Variants in LRRTM4 observed in about 807,000 individuals in gnomAD.
LRRTM4 encodes the protein leucine rich repeat transmembrane neuronal 4.
LRRTM4 carries 25 observed loss-of-function variants against 47.6 expected under a neutral mutation model. That is an observed-to-expected ratio of 0.53 (90% CI 0.38 to 0.73). The LOEUF is 0.73. Among genes scored for constraint, LRRTM4 ranks in the 30% least tolerant of loss-of-function variants. LRRTM4 has a pLI of 0.00. For synonymous variants in LRRTM4, 311 were observed against 269.5 expected (o/e 1.15, Z -1.51); for missense variants, 638 against 713.4 (o/e 0.89, Z 1.20).
At chr2:76,960,042 C>T (rs61391187) in intron 3 of LRRTM4, among the ~76,000 whole-genome samples, 2,099 of 151,340 alleles carry the variant, frequency 0.014, 54 homozygotes, top group East Asian at 0.081. Flanking sequence ...AAGGGCAAAA[C>T]GACTTTACCA....
intron 3 of LRRTM4, among the ~76,000 whole-genome samples, chr2:77,046,353 T>G (rs1425657510): frequency 6.6e-6 from 1 of 152,102 alleles, no homozygotes; most frequent in South Asian, 2.1e-4. Context: ...CCAACCAAAG[T>G]GCAAAATGTG....
intron 3 of LRRTM4, among the ~76,000 whole-genome samples, chr2:76,942,205 T>G (rs2103863988): frequency 6.6e-6 from 1 of 152,290 alleles, no homozygotes; most frequent in South Asian, 2.1e-4. Flanking sequence ...ATTCTGGATA[T>G]TAGCCCCTTG....
chr2:77,017,394 T>C (rs1194342171), intron 3 of LRRTM4, among the ~76,000 whole-genome samples: 2 of 152,210 alleles, frequency 1.3e-5, no homozygotes, highest in African/African-American at 4.8e-5. Context: ...ATTGGCCTCA[T>C]ACATCTCCTT....
intron 3 of LRRTM4, among the ~76,000 whole-genome samples, chr2:77,137,667 G>C (rs1218630703): frequency 1.3e-5 from 2 of 152,054 alleles, no homozygotes; most frequent in Non-Finnish European, 2.9e-5. Context: ...CCAATCAAAA[G>C]ACACAGACTG....
At chr2:76,975,986 C>T (rs1676406051) in intron 3 of LRRTM4, among the ~76,000 whole-genome samples, 1 of 151,750 alleles carries the variant, frequency 6.6e-6, no homozygotes. Context: ...AGGTTTTCTT[C>T]ATTTCTTGCT....
chr2:77,036,127 A>G (rs1189780459), intron 3 of LRRTM4, among the ~76,000 whole-genome samples: 1 of 151,876 alleles, frequency 6.6e-6, no homozygotes, highest in Non-Finnish European at 1.5e-5. Context: ...GCTTGCAGAC[A>G]TAATGTAGAC....
chr2:77,072,422 A>AT (rs918796542), intron 3 of LRRTM4, among the ~76,000 whole-genome samples: 2 of 152,144 alleles, frequency 1.3e-5, no homozygotes, highest in Non-Finnish European at 2.9e-5. Flanking sequence ...ACATAAATAT[A>AT]TTTTCTCTCA....
intron 3 of LRRTM4, among the ~76,000 whole-genome samples, chr2:76,825,509 G>T (rs1190953505): frequency 6.6e-6 from 1 of 151,660 alleles, no homozygotes; most frequent in Non-Finnish European, 1.5e-5. Context: ...TTACTGAAAT[G>T]GAAATGATTA....
At chr2:77,239,588 A>C (rs560602836) in intron 3 of LRRTM4, among the ~76,000 whole-genome samples, 1 of 152,092 alleles carries the variant, frequency 6.6e-6, no homozygotes, top group South Asian at 2.1e-4. Context: ...GCAAAAAATA[A>C]GAAAAGTATA....
intron 3 of LRRTM4, among the ~76,000 whole-genome samples, chr2:77,327,628 G>T (rs907206149): frequency 1.3e-5 from 2 of 152,108 alleles, no homozygotes; most frequent in Admixed American, 1.3e-4. Flanking sequence ...GTAATTACAG[G>T]ATTTGAGACT....
chr2:77,048,994 C>G (rs1679325433), intron 3 of LRRTM4, among the ~76,000 whole-genome samples: 1 of 151,134 alleles, frequency 6.6e-6, no homozygotes, highest in South Asian at 2.1e-4. Context: ...TTTTAGTTTC[C>G]ACATACTAGT....
intron 3 of LRRTM4, among the ~76,000 whole-genome samples, chr2:76,946,944 G>A (rs1026535863): frequency 2.0e-5 from 3 of 151,878 alleles, no homozygotes; most frequent in East Asian, 1.9e-4. Context: ...AAGGAAGAAA[G>A]GCCAAGTTCC....
chr2:77,166,687 C>G (rs900426536), intron 3 of LRRTM4, among the ~76,000 whole-genome samples: 5 of 152,034 alleles, frequency 3.3e-5, no homozygotes, highest in Admixed American at 6.6e-5. Flanking sequence ...ACAAACCTGA[C>G]AAAAACAAGC....
At chr2:77,255,272 G>C (rs1675733098) in intron 3 of LRRTM4, among the ~76,000 whole-genome samples, 1 of 151,892 alleles carries the variant, frequency 6.6e-6, no homozygotes, top group Non-Finnish European at 1.5e-5. Flanking sequence ...AATATGTGAA[G>C]CAAAAACTGA....
intron 3 of LRRTM4, among the ~76,000 whole-genome samples, chr2:77,019,958 A>G (rs1466853618): frequency 2.0e-5 from 3 of 152,030 alleles, no homozygotes; most frequent in Non-Finnish European, 2.9e-5. Context: ...TTATTATTGG[A>G]GGCTGAAAAA....
intron 3 of LRRTM4, 24 bp from the exon 4 acceptor site, chr2:76,748,940 G>T (rs201118186): frequency 6.3e-7 from 1 of 1,592,820 alleles, no homozygotes; most frequent in South Asian, 1.1e-5. Flanking sequence ...ATAGAAAGAT[G>T]GGTGGATTAT....
chr2:76,821,378 C>T (rs1039357518), intron 3 of LRRTM4, among the ~76,000 whole-genome samples: 4 of 151,700 alleles, frequency 2.6e-5, no homozygotes, highest in Admixed American at 6.6e-5. Context: ...AGATTGAGTG[C>T]ATCCCTGGGT....
At chr2:77,036,422 G>T (rs1376568801) in intron 3 of LRRTM4, among the ~76,000 whole-genome samples, 2 of 151,414 alleles carry the variant, frequency 1.3e-5, no homozygotes, top group Non-Finnish European at 3.0e-5. Context: ...GGCAAACAAG[G>T]CTGTCTTAGA....
intron 3 of LRRTM4, among the ~76,000 whole-genome samples, chr2:76,787,781 AGGTT>A (rs1674758300): frequency 1.3e-5 from 2 of 152,174 alleles, no homozygotes; most frequent in Admixed American, 1.3e-4. Flanking sequence ...TGACAGATAG[AGGTT>A]CACTTGATTT....
Sources: allele counts gnomAD v4.1 joint callset (sites outside exome capture counted in the v4.1 genomes callset), GRCh38; gene constraint gnomAD v4.1.1; transcripts MANE v1.5; gene names NCBI Gene and HGNC (gene_info 2026-07-23, HGNC 2026-07-21).